UCK2: variants seen among roughly 807,000 people sequenced by gnomAD.
The protein encoded by UCK2 is uridine-cytidine kinase 2.
In UCK2, 6 loss-of-function variants were observed where a neutral mutation model predicts 30.8. That is an observed-to-expected ratio of 0.19 (90% confidence interval 0.11 to 0.38). The LOEUF (loss-of-function observed/expected upper bound fraction) is 0.38. Among genes scored for constraint, UCK2 ranks in the 10% least tolerant of loss-of-function variants. The probability of loss-of-function intolerance (pLI) is 1.00; values close to 1 mark genes in which losing one functional copy is unlikely to be tolerated. For synonymous variants in UCK2, 125 were observed against 133.6 expected, an observed-to-expected ratio of 0.94 and a Z score of 0.45; for missense variants, 210 against 339.8, an observed-to-expected ratio of 0.62 and a Z score of 3.00.
intron 1 of UCK2, among the ~76,000 whole-genome samples, chr1:165,842,005 ATGCTAAAGCTTTTCT>A (rs1654342796): frequency 1.3e-5 from 2 of 152,226 alleles, no homozygotes; most frequent in South Asian, 2.1e-4. Flanking sequence ...GTTAATGACT[ATGCTAAAGCTTTTCT>A]TGCTAAAGTC....
chr1:165,851,192 G>C (rs12146084), intron 1 of UCK2, among the ~76,000 whole-genome samples: 4 of 152,162 alleles, frequency 2.6e-5, no homozygotes, highest in Non-Finnish European at 5.9e-5. Flanking sequence ...GTGTGTCTGA[G>C]ATCATGTGCC....
At chr1:165,833,196 C>T (rs947543373) in intron 1 of UCK2, among the ~76,000 whole-genome samples, 4 of 152,218 alleles carry the variant, frequency 2.6e-5, no homozygotes, top group African/African-American at 9.6e-5. Context: ...GTTCCCAGGA[C>T]TGTGGGGCTG....
chr1:165,862,913 G>C (rs1188658921), intron 1 of UCK2, among the ~76,000 whole-genome samples: 1 of 152,128 alleles, frequency 6.6e-6, no homozygotes, highest in Non-Finnish European at 1.5e-5. Context: ...ATAAATAATA[G>C]GACTTCCCTG....
chr1:165,827,994 C>T, intron 1 of UCK2, 62 bp downstream of exon 1: 1 of 1,200,038 alleles, frequency 8.3e-7, no homozygotes, highest in Non-Finnish European at 1.1e-6. Flanking sequence ...GCGCATGTGG[C>T]CGGCGGCCGC....
rs1226052689 is a variant in UCK2 at position 165,909,131 on chromosome 1, G to C, written c.*1308G>C. ...GTTGGAGCCTGAGGTTGAAATATTT[G>C]GGGTGGAGATTTCTAGCTTTCCTGA... On this transcript the variant is annotated 3_prime_UTR_variant, in exon 7 of 7. Coordinates refer to ENST00000367879, the MANE Select transcript of UCK2 (RefSeq NM_012474.5). 6.6e-6 allele frequency: 1 copy of C among 152,086 alleles called. No individual in the cohort carries two copies. The highest frequency in any genetic ancestry group is 1.5e-5 in the Non-Finnish European group (1 of 67,998). The allele number at this position is 152,086 out of a possible 1,614,324, so 9.4% of individuals were successfully genotyped here.
chr1:165,872,655 G>A (rs1655224740), intron 1 of UCK2, among the ~76,000 whole-genome samples: 1 of 152,236 alleles, frequency 6.6e-6, no homozygotes. Flanking sequence ...GTCTGTCAAT[G>A]GAGGACTAGC....
intron 5 of UCK2, 50 bp downstream of exon 5, chr1:165,903,329 G>T: frequency 6.4e-7 from 1 of 1,561,556 alleles, no homozygotes. Flanking sequence ...TTTAAAATTT[G>T]ATGATATAAA....
At chr1:165,856,608 A>G (rs912908161) in intron 1 of UCK2, among the ~76,000 whole-genome samples, 2 of 152,152 alleles carry the variant, frequency 1.3e-5, no homozygotes, top group Non-Finnish European at 2.9e-5. Context: ...GTTATTTATT[A>G]GGAAAAGAGA....
At chr1:165,896,126 C>T (rs1044146689) in intron 3 of UCK2, 64 bp from the exon 4 acceptor site, 13 of 1,602,264 alleles carry the variant, frequency 8.1e-6, no homozygotes, top group Non-Finnish European at 9.4e-6. Flanking sequence ...TGTTCTGGCC[C>T]TTGTTCTCTG....
Position 165,835,043 on chromosome 1 carries a change from T to G in UCK2, c.99+7111T>G, listed in dbSNP as rs190624192. 1.3e-4 allele frequency among the ~76,000 whole-genome samples: 20 copies of G among 152,276 alleles called. No individual in the cohort carries two copies. In the East Asian group the frequency reaches 3.5e-3, roughly 26 times the overall value. On this transcript the variant is annotated intron_variant, in intron 1 of 6. Coordinates refer to ENST00000367879, the MANE Select transcript of UCK2 (RefSeq NM_012474.5). ...TGACTAGCAGGGAGCAAGGGCTGTTTTGTCATCTCAGCTAGCATGCTCTGC... is the reference window on the plus strand; with the variant it reads ...TGACTAGCAGGGAGCAAGGGCTGTTGTGTCATCTCAGCTAGCATGCTCTGC...
chr1:165,859,726 G>T (rs1654847543), intron 1 of UCK2, among the ~76,000 whole-genome samples: 2 of 152,140 alleles, frequency 1.3e-5, no homozygotes, highest in Admixed American at 1.3e-4. Flanking sequence ...ACTGGGTGGG[G>T]AGGAGTAGGG....
chr1:165,905,595 T>G (rs149614088), intron 5 of UCK2, among the ~76,000 whole-genome samples: 41 of 152,320 alleles, frequency 2.7e-4, no homozygotes, highest in African/African-American at 9.6e-4. Context: ...TATGAACTGG[T>G]TTTGGATTAA....
At chr1:165,887,157 G>A (rs1040750687) in intron 1 of UCK2, among the ~76,000 whole-genome samples, 1 of 152,164 alleles carries the variant, frequency 6.6e-6, no homozygotes, top group Non-Finnish European at 1.5e-5. Context: ...GGAGTGTTTG[G>A]CACAGGGACT....
At chr1:165,905,632 A>G (rs1025825265) in intron 5 of UCK2, among the ~76,000 whole-genome samples, 1 of 152,220 alleles carries the variant, frequency 6.6e-6, no homozygotes, top group African/African-American at 2.4e-5. Flanking sequence ...ATTTTCCCTC[A>G]CTGATGCATG....
At chr1:165,885,932 C>A (rs546499859) in intron 1 of UCK2, among the ~76,000 whole-genome samples, 1 of 152,100 alleles carries the variant, frequency 6.6e-6, no homozygotes, top group Non-Finnish European at 1.5e-5. Context: ...AATTTACCAT[C>A]GTAACCGTCT....
intron 1 of UCK2, among the ~76,000 whole-genome samples, chr1:165,873,752 TA>T (rs1187472183): frequency 6.6e-5 from 10 of 152,176 alleles, no homozygotes; most frequent in Admixed American, 5.9e-4. Context: ...ACATGCTGCT[TA>T]TCTTTGGGCC....
intron 1 of UCK2, among the ~76,000 whole-genome samples, chr1:165,834,353 A>T (rs1171119898): frequency 6.6e-6 from 1 of 152,128 alleles, no homozygotes; most frequent in Non-Finnish European, 1.5e-5. Context: ...AGTCCCAGCT[A>T]CTTGGGAGAC....
At chr1:165,852,443 G>A (rs536922733) in intron 1 of UCK2, among the ~76,000 whole-genome samples, 2 of 152,158 alleles carry the variant, frequency 1.3e-5, no homozygotes, top group East Asian at 1.9e-4. Flanking sequence ...AGACATTTAC[G>A]TGGCCAACAA....
At chr1:165,836,245 CA>C (rs1449300914) in intron 1 of UCK2, among the ~76,000 whole-genome samples, 2 of 149,902 alleles carry the variant, frequency 1.3e-5, no homozygotes, top group South Asian at 4.2e-4. Flanking sequence ...AAAAACAAAA[CA>C]AAAAAAACAA....
Sources: gnomAD v4.1 joint callset for allele counts (sites outside exome capture counted in the v4.1 genomes callset) on GRCh38, gnomAD v4.1.1 for gene constraint, MANE v1.5 for transcripts, NCBI Gene and HGNC (gene_info 2026-07-23, HGNC 2026-07-21) for gene names.